The following TENM2 variants were observed in gnomAD, a reference collection of about 807,000 sequenced individuals.
TENM2 encodes teneurin transmembrane protein 2.
In TENM2, 52 loss-of-function variants were observed where a neutral mutation model predicts 245.2. That is an observed-to-expected ratio of 0.21 (90% CI 0.17 to 0.27). TENM2 has a LOEUF of 0.27. TENM2 is among the 10% of genes least tolerant of loss of function. The pLI is 1.00. For missense variants in TENM2, 3,046 were observed against 3,666.8 expected (o/e 0.83, Z 4.37); for synonymous variants, 1,363 against 1,438.9 (o/e 0.95, Z 1.19).
chr5:167,541,188 A>C (rs1772189249), intron 2 of TENM2, among the ~76,000 whole-genome samples: 1 of 152,220 alleles, frequency 6.6e-6, no homozygotes, highest in African/African-American at 2.4e-5. Context: ...AACCTGAAGA[A>C]AGTAGCTAGC....
At chr5:167,706,314 T>C (rs1758519754) in intron 2 of TENM2, among the ~76,000 whole-genome samples, 1 of 147,282 alleles carries the variant, frequency 6.8e-6, no homozygotes, top group African/African-American at 2.5e-5. Flanking sequence ...ACAGTATATA[T>C]AAGAAAATAT....
At chr5:167,621,039 A>G (rs1778133434) in intron 2 of TENM2, among the ~76,000 whole-genome samples, 1 of 152,080 alleles carries the variant, frequency 6.6e-6, no homozygotes. Flanking sequence ...AAGGAGAGAG[A>G]CAGGATGGAA....
At chr5:168,201,831 A>G (rs908514761) in intron 17 of TENM2, among the ~76,000 whole-genome samples, 7 of 151,278 alleles carry the variant, frequency 4.6e-5, no homozygotes, top group Non-Finnish European at 8.8e-5. Context: ...ATTGGGTTGT[A>G]CAATTTCCCA....
At chr5:167,853,640 G>C (rs1007311500) in intron 2 of TENM2, among the ~76,000 whole-genome samples, 1 of 152,170 alleles carries the variant, frequency 6.6e-6, no homozygotes, top group Non-Finnish European at 1.5e-5. Flanking sequence ...TGGAAAGGTT[G>C]AAGTAATTTC....
exon 11 of TENM2, chr5:168,124,868 C>A (rs757827618): frequency 5.6e-6 from 9 of 1,611,990 alleles, no homozygotes; most frequent in Non-Finnish European, 5.9e-6. Flanking sequence ...TTGGATCCCA[C>A]CTGCTCCAGC....
intron 5 of TENM2, among the ~76,000 whole-genome samples, chr5:168,044,822 C>T (rs917699302): frequency 1.3e-5 from 2 of 152,042 alleles, no homozygotes; most frequent in African/African-American, 4.8e-5. Flanking sequence ...AACTCATTTA[C>T]TTCACAGCTC....
intron 2 of TENM2, among the ~76,000 whole-genome samples, chr5:167,695,939 CA>C (rs1274824267): frequency 6.6e-6 from 1 of 151,344 alleles, no homozygotes; most frequent in Non-Finnish European, 1.5e-5. Flanking sequence ...GAGGCTGAGG[CA>C]GGAGAATGAT....
chr5:168,192,284 TG>T (rs1761027541), intron 14 of TENM2, among the ~76,000 whole-genome samples: 1 of 152,186 alleles, frequency 6.6e-6, no homozygotes, highest in Admixed American at 6.5e-5. Context: ...TGAAACTGTC[TG>T]TTGTAACCGG....
chr5:167,722,447 TAGATAC>T lies in TENM2; in HGVS notation c.503-153527_503-153522del, dbSNP rs201801702. Among the ~76,000 whole-genome samples the T allele has an allele frequency of 1.6e-4, 25 of 152,300 alleles. No homozygotes were observed. The East Asian group carries it at 1.7e-3, about 11-fold the overall frequency. On this transcript the variant is annotated intron_variant, in intron 2 of 28. Coordinates refer to ENST00000518659, the Ensembl canonical transcript of TENM2. ...ATAGGTAGAGATACAGCTATAGATT[TAGATAC>T]AGATACAGATATAGATATATAGAAA...
chr5:167,291,345 A>G (rs1754624745), intron 1 of TENM2, among the ~76,000 whole-genome samples: 2 of 152,212 alleles, frequency 1.3e-5, no homozygotes, highest in Admixed American at 1.3e-4. Flanking sequence ...TGAAAGGGTA[A>G]TGTTTTGGCA....
chr5:167,009,802 C>G, the TENM2 span, among the ~76,000 whole-genome samples: 1 of 152,056 alleles, frequency 6.6e-6, no homozygotes, highest in African/African-American at 2.4e-5. Context: ...GTTGGAACCA[C>G]AGAGTGAAAT....
chr5:167,868,424 T>G (rs991403574), intron 2 of TENM2, among the ~76,000 whole-genome samples: 1 of 151,854 alleles, frequency 6.6e-6, no homozygotes, highest in African/African-American at 2.4e-5. Context: ...TATAAATACA[T>G]AATATATATC....
At chr5:168,026,082 A>G (rs914557335) in intron 5 of TENM2, among the ~76,000 whole-genome samples, 1 of 151,170 alleles carries the variant, frequency 6.6e-6, no homozygotes, top group African/African-American at 2.4e-5. Flanking sequence ...TGCTCTTCTC[A>G]AGGTATGATG....
chr5:167,269,915 C>A, the TENM2 span, among the ~76,000 whole-genome samples: 3 of 152,084 alleles, frequency 2.0e-5, no homozygotes, highest in Non-Finnish European at 4.4e-5. Context: ...ACAGAATTCC[C>A]AGTTACTAGG....
intron 2 of TENM2, among the ~76,000 whole-genome samples, chr5:167,681,230 A>G (rs981997021): frequency 6.6e-6 from 1 of 152,190 alleles, no homozygotes; most frequent in Non-Finnish European, 1.5e-5. Context: ...ACACGGACAC[A>G]CACATTGTTT....
In TENM2 at chr5:168,140,380, G is replaced by A. The variant is rs532705982; in HGVS notation, c.2422+13414G>A. On this transcript the variant is annotated intron_variant, in intron 12 of 28. Coordinates refer to ENST00000518659, the Ensembl canonical transcript of TENM2. Reference sequence around the variant, plus strand: ...TTGGCAAATACAGCATTCAAGAAGCGTGGGCAGGATTTCCCACTAATGCCT... The same window carrying A: ...TTGGCAAATACAGCATTCAAGAAGCATGGGCAGGATTTCCCACTAATGCCT... Among the ~76,000 whole-genome samples the A allele has an allele frequency of 3.3e-5, 5 of 152,254 alleles. No individual in the cohort carries two copies. The East Asian group carries it at 9.6e-4, about 29-fold the overall frequency.
intron 2 of TENM2, among the ~76,000 whole-genome samples, chr5:167,740,033 G>A (rs529194639): frequency 6.6e-6 from 1 of 152,260 alleles, no homozygotes; most frequent in African/African-American, 2.4e-5. Flanking sequence ...GGGTTTCTGC[G>A]ATGTTTCATT....
chr5:167,181,466 T>G, the TENM2 span, among the ~76,000 whole-genome samples: 2 of 122,600 alleles, frequency 1.6e-5, no homozygotes, highest in Admixed American at 8.5e-5. Flanking sequence ...AGCCGCTCGT[T>G]TGTGTGTGTG....
chr5:168,205,982 G>A (rs2152541831), intron 19 of TENM2, among the ~76,000 whole-genome samples: 1 of 152,332 alleles, frequency 6.6e-6, no homozygotes, highest in South Asian at 2.1e-4. Context: ...GCAGAAGAAA[G>A]AGGAGTGCTC....
Sources: gnomAD v4.1 joint callset for allele counts (sites outside exome capture counted in the v4.1 genomes callset) on GRCh38, gnomAD v4.1.1 for gene constraint, MANE v1.5 for transcripts, NCBI Gene and HGNC (gene_info 2026-07-23, HGNC 2026-07-21) for gene names.